Variants in UBE2L3 observed in about 807,000 individuals in gnomAD.
UBE2L3 encodes the protein ubiquitin conjugating enzyme E2 L3, also known as ubiquitin-conjugating enzyme E2 L3.
Under a neutral mutation model 17.8 loss-of-function variants are expected in UBE2L3, and 1 was observed. The ratio of observed to expected loss-of-function variants is 0.06; its 90% CI spans 0.02 to 0.27. The LOEUF is 0.27. Among genes scored for constraint, UBE2L3 ranks in the 10% least tolerant of loss-of-function variants. The pLI is 1.00. For missense variants in UBE2L3, 40 were observed against 192.6 expected, an observed-to-expected ratio of 0.21 and a Z score of 4.69; for synonymous variants, 44 against 68.5, an observed-to-expected ratio of 0.64 and a Z score of 1.76.
At chr22:21,614,703 C>T in intron 3 of UBE2L3, 3 of 1,259,122 alleles carry the variant, frequency 2.4e-6, no homozygotes, top group Non-Finnish European at 3.2e-6. Context: ...TGAAAAGATG[C>T]TCATATGACC....
At chr22:21,602,019 A>C (rs1928894396) in intron 2 of UBE2L3, among the ~76,000 whole-genome samples, 1 of 151,678 alleles carries the variant, frequency 6.6e-6, no homozygotes, top group Non-Finnish European at 1.5e-5. Context: ...GAGCAGGGCA[A>C]GCCGCGTCCC....
At position 21,585,913 on chromosome 22, in the gene UBE2L3, G is replaced by A. The variant is rs532020130; in HGVS notation, c.28-6948G>A. 5.7e-4 allele frequency among the ~76,000 whole-genome samples: 87 copies of A among 152,136 alleles called. 1 individual carries two copies. The highest frequency in any genetic ancestry group is 2.0e-3 in the African/African-American group (82 of 41,518). On this transcript the variant is annotated intron_variant, in intron 1 of 3. Coordinates refer to ENST00000342192, the MANE Select transcript of UBE2L3 (RefSeq NM_003347.4). Reference sequence around the variant, plus strand: ...TACATATTTTGTTGGGGGAAGGGTCGTCTAGTGCTGTTGGATTTCTTTTCT... The same window carrying A: ...TACATATTTTGTTGGGGGAAGGGTCATCTAGTGCTGTTGGATTTCTTTTCT...
At chr22:21,613,331 C>T (rs937668867) in intron 3 of UBE2L3, among the ~76,000 whole-genome samples, 3 of 152,188 alleles carry the variant, frequency 2.0e-5, no homozygotes, top group African/African-American at 4.8e-5. Context: ...TTCTCCCCCA[C>T]CCCCAAGAGC....
In UBE2L3 at chr22:21,573,351, G is replaced by T. The variant is rs1429485926; in HGVS notation, c.27+5580G>T. Reference sequence around the variant, plus strand: ...GAGTCCCCTAAAAACAGCATGCTTTGCACACACACTCTGGATCTCGTGATT... The same window carrying T: ...GAGTCCCCTAAAAACAGCATGCTTTTCACACACACTCTGGATCTCGTGATT... On this transcript the variant is annotated intron_variant, in intron 1 of 3. Transcript: ENST00000342192. 2.6e-5 allele frequency among the ~76,000 whole-genome samples: 4 copies of T among 152,022 alleles called. 1 individual carries two copies. Among genetic ancestry groups the T allele is most frequent in the Non-Finnish European group, 5.9e-5 (4 of 67,996 alleles).
intron 1 of UBE2L3, among the ~76,000 whole-genome samples, chr22:21,590,187 CTTTA>C (rs761650068): frequency 1.6e-4 from 24 of 151,482 alleles, no homozygotes; most frequent in African/African-American, 4.1e-4. Context: ...ATCATCCCTA[CTTTA>C]TTTTTTTATT....
upstream of UBE2L3, among the ~76,000 whole-genome samples, chr22:21,565,167 A>G (rs1313674108): frequency 6.6e-6 from 1 of 151,750 alleles, no homozygotes; most frequent in East Asian, 1.9e-4. Flanking sequence ...ATCTCCACTC[A>G]CGGCAAGCTC....
At chr22:21,555,636 AT>A (rs1244120572) in intron 1 of UBE2L3, among the ~76,000 whole-genome samples, 42 of 150,538 alleles carry the variant, frequency 2.8e-4, no homozygotes, top group Middle Eastern at 3.4e-3. Context: ...AAAAAAAAAA[AT>A]TTTTTTTTTG....
chr22:21,574,620 C>T (rs1006540428), intron 1 of UBE2L3, among the ~76,000 whole-genome samples: 2 of 152,134 alleles, frequency 1.3e-5, no homozygotes, highest in Admixed American at 6.6e-5. Context: ...CTCTCTTATT[C>T]TGTAGGTTGG....
intron 1 of UBE2L3, among the ~76,000 whole-genome samples, chr22:21,569,392 T>C (rs1415294014): frequency 2.1e-5 from 2 of 96,836 alleles, no homozygotes; most frequent in Admixed American, 1.2e-4. Flanking sequence ...TGAGACTCCA[T>C]GTCAAAAAAA....
intron 2 of UBE2L3, among the ~76,000 whole-genome samples, chr22:21,594,053 G>A (rs1490240930): frequency 6.6e-6 from 1 of 152,198 alleles, no homozygotes; most frequent in East Asian, 1.9e-4. Flanking sequence ...TCATTGTGTA[G>A]CCTTCAGCTA....
At chr22:21,593,983 C>T (rs976192342) in intron 2 of UBE2L3, among the ~76,000 whole-genome samples, 6 of 152,222 alleles carry the variant, frequency 3.9e-5, no homozygotes, top group Non-Finnish European at 7.3e-5. Flanking sequence ...CCACACCTGT[C>T]TCCATTCCTG....
At chr22:21,615,442 C>G (rs961022089) in intron 3 of UBE2L3, among the ~76,000 whole-genome samples, 1 of 151,388 alleles carries the variant, frequency 6.6e-6, no homozygotes, top group African/African-American at 2.4e-5. Flanking sequence ...GTAGTCCCAG[C>G]TACTCGGGAG....
intron 3 of UBE2L3, among the ~76,000 whole-genome samples, chr22:21,612,026 A>G (rs942264958): frequency 2.0e-5 from 3 of 152,128 alleles, no homozygotes; most frequent in Admixed American, 1.3e-4. Flanking sequence ...TCCCTGTGGG[A>G]ATAACTCAGC....
At chr22:21,556,191 A>T (rs1489878610) in intron 1 of UBE2L3, among the ~76,000 whole-genome samples, 2 of 152,222 alleles carry the variant, frequency 1.3e-5, no homozygotes, top group Non-Finnish European at 2.9e-5. Flanking sequence ...TGAGTGAGTC[A>T]CCGCACTCCT....
chr22:21,573,648 C>T (rs562192719), intron 1 of UBE2L3, among the ~76,000 whole-genome samples: 3 of 152,230 alleles, frequency 2.0e-5, no homozygotes, highest in South Asian at 4.1e-4. Flanking sequence ...TTGAAGAAGA[C>T]GGACTGGGTG....
chr22:21,563,195 T>C (rs1926506935), upstream of UBE2L3, among the ~76,000 whole-genome samples: 1 of 148,168 alleles, frequency 6.7e-6, no homozygotes. Flanking sequence ...TGAGCCGAGA[T>C]TGCGCCACTG....
upstream of UBE2L3, among the ~76,000 whole-genome samples, chr22:21,566,592 A>T (rs2148395794): frequency 6.6e-6 from 1 of 151,918 alleles, no homozygotes; most frequent in East Asian, 1.9e-4. Context: ...TCTCAAAAAA[A>T]AAAAAAATCA....
intron 1 of UBE2L3, among the ~76,000 whole-genome samples, chr22:21,562,207 T>C (rs1006720160): frequency 2.1e-4 from 32 of 149,220 alleles, no homozygotes; most frequent in African/African-American, 7.1e-4. Flanking sequence ...TCTTTTTTTT[T>C]TTTTTGAGAC....
At chr22:21,574,779 A>G (rs561769369) in intron 1 of UBE2L3, among the ~76,000 whole-genome samples, 31 of 152,288 alleles carry the variant, frequency 2.0e-4, no homozygotes, top group African/African-American at 7.0e-4. Context: ...ATCCTGGCCA[A>G]CATGGTGAAA....
Sources: allele counts gnomAD v4.1 joint callset (sites outside exome capture counted in the v4.1 genomes callset), GRCh38; gene constraint gnomAD v4.1.1; transcripts MANE v1.5; gene names NCBI Gene and HGNC (gene_info 2026-07-23, HGNC 2026-07-21).